Variants in PLXNA4 observed in about 807,000 individuals in gnomAD.
PLXNA4 encodes plexin A4.
A neutral mutation model predicts 191.8 loss-of-function variants in PLXNA4; 44 were observed. The observed-to-expected ratio is 0.23, with a 90% confidence interval of 0.18 to 0.29. PLXNA4 has a LOEUF of 0.29. Ranked by LOEUF, PLXNA4 falls within the 10% of genes least tolerant of loss-of-function variation. PLXNA4 has a pLI of 1.00. For missense variants in PLXNA4, 1,800 were observed against 2,488.8 expected, an observed-to-expected ratio of 0.72 and a Z score of 5.89; for synonymous variants, 1,082 against 1,009.5, an observed-to-expected ratio of 1.07 and a Z score of -1.36.
intron 3 of PLXNA4, among the ~76,000 whole-genome samples, chr7:132,348,551 A>G (rs1803343923): frequency 6.6e-6 from 1 of 152,216 alleles, no homozygotes; most frequent in South Asian, 2.1e-4. Flanking sequence ...GGCTGAGGTC[A>G]ATGGAGAGGT....
chr7:132,171,646 G>A (rs78447978), intron 21 of PLXNA4, among the ~76,000 whole-genome samples: 9,593 of 152,248 alleles, frequency 0.063, 421 homozygotes, highest in Non-Finnish European at 0.077. Flanking sequence ...CCTTCTCTGT[G>A]TGCAAAATGC....
chr7:132,280,957 A>G (rs1800457353), intron 4 of PLXNA4, among the ~76,000 whole-genome samples: 1 of 151,980 alleles, frequency 6.6e-6, no homozygotes, highest in Admixed American at 6.5e-5. Flanking sequence ...AATAATATAT[A>G]TGTTCTGCTC....
intron 3 of PLXNA4, among the ~76,000 whole-genome samples, chr7:132,453,502 G>C (rs765965895): frequency 6.6e-6 from 1 of 151,986 alleles, no homozygotes; most frequent in Non-Finnish European, 1.5e-5. Context: ...TCCCCAGAAG[G>C]AAAAGGAATT....
intron 1 of PLXNA4, among the ~76,000 whole-genome samples, chr7:132,537,881 G>A (rs947833338): frequency 6.6e-6 from 1 of 152,178 alleles, no homozygotes; most frequent in Non-Finnish European, 1.5e-5. Context: ...GGGCAGTGGG[G>A]GCCACCACAA....
chr7:132,180,646 G>T lies in PLXNA4; in HGVS notation c.3579C>A (p.Thr1193=). ...VLVGEKPCTV[T]VSDVQLLCES... ...CGCAGAGCAGCTGGACATCTGACAC[G>T]GTCACGGTGCACGGCTTCTCCCCAA... The change falls in exon 19 of 32, where the codon ACC becomes ACA. Residue 1193 remains threonine (T), a synonymous_variant. Coordinates refer to ENST00000321063, the MANE Select transcript of PLXNA4 (RefSeq NM_020911.2). 2 of 1,614,148 alleles carry T rather than the reference G, an allele frequency of 1.2e-6. No individual in the cohort carries two copies. Among genetic ancestry groups the T allele is most frequent in the Non-Finnish European group, 1.7e-6 (2 of 1,180,036 alleles).
At chr7:132,349,449 G>A (rs989706594) in intron 3 of PLXNA4, among the ~76,000 whole-genome samples, 6 of 152,190 alleles carry the variant, frequency 3.9e-5, no homozygotes, top group African/African-American at 1.4e-4. Context: ...GCTACCAAGG[G>A]GGGCCACTGC....
chr7:132,528,132 T>A (rs377124259), intron 1 of PLXNA4, among the ~76,000 whole-genome samples: 8 of 152,282 alleles, frequency 5.3e-5, no homozygotes, highest in African/African-American at 1.9e-4. Flanking sequence ...ATTAACCAAC[T>A]CGGGATGGTC....
chr7:132,632,128 C>A (rs1803502843), intron 2 of PLXNA4, among the ~76,000 whole-genome samples: 1 of 150,930 alleles, frequency 6.6e-6, no homozygotes, highest in African/African-American at 2.4e-5. Context: ...CCCAGCTACT[C>A]AGGAGGCTGA....
intron 3 of PLXNA4, among the ~76,000 whole-genome samples, chr7:132,357,351 C>G (rs1022596944): frequency 6.6e-6 from 1 of 152,166 alleles, no homozygotes. Flanking sequence ...ATCCTTCTTG[C>G]CTTCCTAATC....
chr7:132,357,756 G>A (rs1377449332), intron 3 of PLXNA4, among the ~76,000 whole-genome samples: 2 of 152,198 alleles, frequency 1.3e-5, no homozygotes, highest in African/African-American at 4.8e-5. Flanking sequence ...TAACCTCCCT[G>A]AAGATAGCAG....
intron 4 of PLXNA4, chr7:132,264,036 T>C (rs1027197061): frequency 6.6e-6 from 1 of 152,182 alleles, no homozygotes; most frequent in South Asian, 2.1e-4. Flanking sequence ...AGAGAAATCA[T>C]TTTTCCTTTT....
intron 25 of PLXNA4, among the ~76,000 whole-genome samples, chr7:132,152,251 A>G (rs1242805928): frequency 6.6e-6 from 1 of 152,184 alleles, no homozygotes; most frequent in East Asian, 1.9e-4. Flanking sequence ...CCTAAGCTGC[A>G]TGGCTGGGCT....
In PLXNA4 at chr7:132,508,028, G is replaced by A. The variant is rs267601295; in HGVS notation, c.666C>T (p.Phe222=). 33 of 1,614,086 alleles carry A rather than the reference G, an allele frequency of 2.0e-5. No homozygotes were observed. The highest frequency in any genetic ancestry group is 6.6e-5 in the South Asian group (6 of 91,084). Reference sequence around the variant, plus strand: ...AAGGGATCTTAATCATCGAGGCCACGAACTCATCATGGAAGACGTACGCGA... The same window carrying A: ...AAGGGATCTTAATCATCGAGGCCACAAACTCATCATGGAAGACGTACGCGA... ...GMFAYVFHDE[F]VASMIKIPSD... The change falls in exon 2 of 32, where the codon TTC becomes TTT. Residue 222 remains phenylalanine (F), a synonymous_variant. Coordinates refer to ENST00000321063, the MANE Select transcript of PLXNA4 (RefSeq NM_020911.2). The surrounding 1 kb of genome is among the most constrained non-coding windows in gnomAD (Gnocchi z 4.4).
rs1351289739 is a variant in PLXNA4, at chr7:132,562,480, CCTT to C, written c.-87+13939_-87+13941del. Among the ~76,000 whole-genome samples, 7 of 127,272 alleles carry C rather than the reference CCTT, an allele frequency of 5.5e-5. 1 individual carries two copies. Among genetic ancestry groups the C allele is most frequent in the African/African-American group, 2.2e-4 (7 of 32,020 alleles). 83.5% of individuals were successfully genotyped at this position (127,272 alleles called of 152,430 possible). On this transcript the variant is annotated intron_variant, in intron 1 of 31. Coordinates refer to ENST00000321063, the MANE Select transcript of PLXNA4 (RefSeq NM_020911.2). ...TCTCCTCCTCCTCCTTTCTCCTCCTCCTTCTCTTCCTCTTTCTCCTCCTCCTCC... is the reference window on the plus strand; with the variant it reads ...TCTCCTCCTCCTCCTTTCTCCTCCTCCTCTTCCTCTTTCTCCTCCTCCTCC...
intron 21 of PLXNA4, among the ~76,000 whole-genome samples, chr7:132,170,424 G>A (rs1796250033): frequency 6.6e-6 from 1 of 152,180 alleles, no homozygotes; most frequent in East Asian, 1.9e-4. Context: ...AGGAGAGGGG[G>A]TATGAAAAGC....
chr7:132,483,793 A>T (rs971306578), intron 3 of PLXNA4, among the ~76,000 whole-genome samples: 2 of 152,266 alleles, frequency 1.3e-5, no homozygotes, highest in African/African-American at 4.8e-5. Context: ...AGCAATGATC[A>T]CTTGGAAAAC....
chr7:132,141,768 C>T (rs1223808156), intron 29 of PLXNA4, among the ~76,000 whole-genome samples: 4 of 152,174 alleles, frequency 2.6e-5, no homozygotes, highest in Admixed American at 2.6e-4. Context: ...TTTGCTCTGT[C>T]ACCCAAGCGG....
At chr7:132,262,755 T>A (rs889468650) in intron 4 of PLXNA4, among the ~76,000 whole-genome samples, 2 of 152,152 alleles carry the variant, frequency 1.3e-5, no homozygotes, top group African/African-American at 4.8e-5. Context: ...GCTCCTCTGC[T>A]GGCTTAAGCT....
At chr7:132,562,214 CCTT>C (rs1224686597) in intron 1 of PLXNA4, among the ~76,000 whole-genome samples, 1 of 130,388 alleles carries the variant, frequency 7.7e-6, no homozygotes, top group African/African-American at 3.1e-5. Flanking sequence ...TTCTCCTCCT[CCTT>C]CTCTTCCTCT....
Sources: gnomAD v4.1 joint callset for allele counts (sites outside exome capture counted in the v4.1 genomes callset) on GRCh38, gnomAD v4.1.1 for gene constraint, Gnocchi (gnomAD v3.1) non-coding constraint, MANE v1.5 for transcripts, NCBI Gene and HGNC (gene_info 2026-07-23, HGNC 2026-07-21) for gene names.